The following LMO3 variants were observed in gnomAD, a reference collection of about 807,000 sequenced individuals.
LMO3 encodes the protein LIM domain only protein 3.
Under a neutral mutation model 15.8 loss-of-function variants are expected in LMO3, and 2 were observed. That is an observed-to-expected ratio of 0.13 (90% CI 0.05 to 0.40). The LOEUF (loss-of-function observed/expected upper bound fraction) is 0.40. Ranked by LOEUF, LMO3 falls within the 10% of genes least tolerant of loss-of-function variation. LMO3 has a pLI of 0.99. For missense variants in LMO3, 86 were observed against 182.2 expected (o/e 0.47, Z 3.04); for synonymous variants, 62 against 63.8 (o/e 0.97, Z 0.13).
chr12:16,605,171 C>G (rs1454415194), intron 1 of LMO3: 31 of 1,368,512 alleles, frequency 2.3e-5, no homozygotes, highest in Admixed American at 3.2e-5. Flanking sequence ...GCTTCCCTAA[C>G]TCTGCCCGTA....
intron 3 of LMO3, among the ~76,000 whole-genome samples, chr12:16,554,883 C>A (rs549670706): frequency 9.8e-4 from 149 of 152,236 alleles, no homozygotes; most frequent in Admixed American, 2.2e-3. Flanking sequence ...TGGTCTCGAT[C>A]TCCCAACCTC....
At chr12:16,605,554 T>C in intron 1 of LMO3, 1 of 580,356 alleles carries the variant, frequency 1.7e-6, no homozygotes, top group Non-Finnish European at 2.8e-6. Flanking sequence ...CAAAAGATTG[T>C]AATATCAACT....
At chr12:16,564,407 A>G (rs1214500376) in intron 2 of LMO3, among the ~76,000 whole-genome samples, 1 of 152,224 alleles carries the variant, frequency 6.6e-6, no homozygotes, top group African/African-American at 2.4e-5. Flanking sequence ...CCATAAAGCA[A>G]GCAAACTCTT....
chr12:16,561,330 T>C (rs766914045), intron 2 of LMO3, among the ~76,000 whole-genome samples: 3 of 152,196 alleles, frequency 2.0e-5, no homozygotes, highest in African/African-American at 2.4e-5. Flanking sequence ...ACCAAGTTTC[T>C]TTAAAGTTGA....
chr12:16,605,119 C>T (rs1943945621), intron 1 of LMO3: 4 of 1,423,740 alleles, frequency 2.8e-6, no homozygotes, highest in Non-Finnish European at 3.7e-6. Context: ...CACACGGAGC[C>T]CCTCGCAGTG....
chr12:16,609,650 C>A (rs542470014), upstream of LMO3: 1 of 151,756 alleles, frequency 6.6e-6, no homozygotes, highest in Non-Finnish European at 1.5e-5. Flanking sequence ...TATTGTGATA[C>A]CTTGATGAGG....
Position 16,599,957 on chromosome 12 carries a change from T to C in LMO3, c.206+698A>G, listed in dbSNP as rs563116874. ...AGTCTGAGGCGGTTCAATTGCTTAG[T>C]TGTATTTTTGAGATTCCCGTTTAGA... On this transcript the variant is annotated intron_variant, in intron 2 of 3. Transcript: ENST00000537304. The surrounding 1 kb of genome is among the most constrained non-coding windows in gnomAD (Gnocchi z 4.1). 12 of 152,218 alleles carry C rather than the reference T, an allele frequency of 7.9e-5. No homozygotes were observed. Among genetic ancestry groups the C allele is most frequent in the African/African-American group, 1.7e-4 (7 of 41,552 alleles). The allele number at this position is 152,218 out of a possible 1,614,324, so 9.4% of individuals were successfully genotyped here.
chr12:16,559,283 A>T lies in LMO3; in HGVS notation c.332+1130T>A, dbSNP rs2137320353. ...CTAAAATCCTCTCCATTTATCATAT[A>T]AAACAGGTGCCAGTAGTATATAGTT... On this transcript the variant is annotated intron_variant, in intron 3 of 3. Coordinates refer to ENST00000537304, the MANE Select transcript of LMO3 (RefSeq NM_018640.5). This position sits in a 1 kb window ranked among gnomAD's most constrained non-coding sequence, Gnocchi z 4.1. 6.6e-6 allele frequency among the ~76,000 whole-genome samples: 1 copy of T among 152,344 alleles called. No homozygotes were observed. Among genetic ancestry groups the T allele is most frequent in the African/African-American group, 2.4e-5 (1 of 41,588 alleles).
intron 3 of LMO3, among the ~76,000 whole-genome samples, chr12:16,556,370 A>C (rs1209782112): frequency 6.6e-6 from 1 of 152,212 alleles, no homozygotes; most frequent in Non-Finnish European, 1.5e-5. Flanking sequence ...ATTTTAATGC[A>C]GGATTCACGT....
At chr12:16,556,821 G>T (rs565252427) in intron 3 of LMO3, among the ~76,000 whole-genome samples, 2 of 152,284 alleles carry the variant, frequency 1.3e-5, no homozygotes, top group Admixed American at 6.5e-5. Context: ...GCATTAGTTT[G>T]TCTTGTAGGG....
At position 16,576,941 on chromosome 12, in the gene LMO3, T is replaced by G. The variant is rs749077216; in HGVS notation, c.207-16403A>C. Among the ~76,000 whole-genome samples the G allele has an allele frequency of 6.6e-6, 1 of 152,178 alleles. No individual in the cohort carries two copies. Among genetic ancestry groups the G allele is most frequent in the East Asian group, 1.9e-4 (1 of 5,196 alleles). On this transcript the variant is annotated intron_variant, in intron 2 of 3. Coordinates refer to ENST00000537304, the MANE Select transcript of LMO3 (RefSeq NM_018640.5). The surrounding 1 kb of genome is among the most constrained non-coding windows in gnomAD (Gnocchi z 4.1). ...TTTCCTAAACTATCTATTTTAGAAA[T>G]AACCCAATAAGGGCAAAGCTATATG...
chr12:16,565,382 G>A (rs948281987), intron 2 of LMO3, among the ~76,000 whole-genome samples: 3 of 152,108 alleles, frequency 2.0e-5, no homozygotes, highest in African/African-American at 7.2e-5. Context: ...AACTAAGGAA[G>A]GTAGTGATAG....
At chr12:16,561,189 A>T (rs945347257) in intron 2 of LMO3, among the ~76,000 whole-genome samples, 3 of 152,048 alleles carry the variant, frequency 2.0e-5, no homozygotes, top group African/African-American at 4.8e-5. Context: ...TCTAGGATTT[A>T]AAAAAAATTC....
chr12:16,569,577 A>C (rs1036025974), intron 2 of LMO3, among the ~76,000 whole-genome samples: 7 of 152,198 alleles, frequency 4.6e-5, no homozygotes, highest in African/African-American at 1.7e-4. Context: ...ATGCAGAGAA[A>C]AGTAAAATAG....
rs1246977092 is a variant in LMO3, at chr12:16,585,720, A to G, written c.206+14935T>C. 6.6e-6 allele frequency among the ~76,000 whole-genome samples: 1 copy of G among 152,188 alleles called. No homozygotes were observed. Among genetic ancestry groups the G allele is most frequent in the Non-Finnish European group, 1.5e-5 (1 of 68,034 alleles). On this transcript the variant is annotated intron_variant, in intron 2 of 3. Transcript: ENST00000537304. The surrounding 1 kb of genome is among the most constrained non-coding windows in gnomAD (Gnocchi z 4.7). ...TGATGTAAGCAGCTCCAAATATAAT[A>G]ATAGAAAGGAAAATATGGGTGAGAA...
At chr12:16,563,637 AGATCC>A (rs1481386118) in intron 2 of LMO3, among the ~76,000 whole-genome samples, 1 of 152,182 alleles carries the variant, frequency 6.6e-6, no homozygotes, top group Non-Finnish European at 1.5e-5. Flanking sequence ...AAGTTATCAT[AGATCC>A]ACTTTTCCAT....
At chr12:16,554,996 C>G (rs1942141575) in intron 3 of LMO3, among the ~76,000 whole-genome samples, 1 of 152,202 alleles carries the variant, frequency 6.6e-6, no homozygotes, top group Admixed American at 6.5e-5. Flanking sequence ...TTTCTTCTAA[C>G]TGTAATCTTG....
In LMO3 at chr12:16,582,459, T is replaced by A. The variant is rs543532350; in HGVS notation, c.206+18196A>T. Among the ~76,000 whole-genome samples, 1 of 152,350 alleles carries A rather than the reference T, an allele frequency of 6.6e-6. No individual in the cohort carries two copies. The highest frequency in any genetic ancestry group is 1.9e-4 in the East Asian group (1 of 5,182). On this transcript the variant is annotated intron_variant, in intron 2 of 3. Coordinates refer to ENST00000537304, the MANE Select transcript of LMO3 (RefSeq NM_018640.5). The surrounding 1 kb of genome is among the most constrained non-coding windows in gnomAD (Gnocchi z 4.1). ...TATTGTCTTTATCAGGTCAAGGTACTGTATTAGAGTTATGTTAGTTTTGCA... is the reference window on the plus strand; with the variant it reads ...TATTGTCTTTATCAGGTCAAGGTACAGTATTAGAGTTATGTTAGTTTTGCA...
intron 2 of LMO3, among the ~76,000 whole-genome samples, chr12:16,561,167 C>T (rs1357420355): frequency 6.6e-6 from 1 of 151,984 alleles, no homozygotes; most frequent in Non-Finnish European, 1.5e-5. Flanking sequence ...ACTGTCAGAA[C>T]CACTGGAATT....
Sources: gnomAD v4.1 joint callset for allele counts (sites outside exome capture counted in the v4.1 genomes callset) on GRCh38, gnomAD v4.1.1 for gene constraint, Gnocchi (gnomAD v3.1) non-coding constraint, MANE v1.5 for transcripts, NCBI Gene and HGNC (gene_info 2026-07-23, HGNC 2026-07-21) for gene names.